Variants in ANKRD28 observed in about 807,000 individuals in gnomAD.
The protein encoded by ANKRD28 is serine/threonine-protein phosphatase 6 regulatory ankyrin repeat subunit A.
ANKRD28 carries 44 observed loss-of-function variants against 126.5 expected under a neutral mutation model. That is an observed-to-expected ratio of 0.35 (90% CI 0.27 to 0.45). The LOEUF (loss-of-function observed/expected upper bound fraction) is 0.45, where lower values mean the gene tolerates loss of function less well. Ranked by LOEUF, ANKRD28 falls within the 20% of genes least tolerant of loss-of-function variation. ANKRD28 has a pLI of 1.00. For missense variants in ANKRD28, 1,110 were observed against 1,316.6 expected, an observed-to-expected ratio of 0.84 and a Z score of 2.43; for synonymous variants, 442 against 468.5, an observed-to-expected ratio of 0.94 and a Z score of 0.73.
chr3:15,687,020 T>C (rs1352161227), intron 18 of ANKRD28, among the ~76,000 whole-genome samples: 1 of 151,684 alleles, frequency 6.6e-6, no homozygotes, highest in Non-Finnish European at 1.5e-5. Context: ...CTTGGCTCAC[T>C]GCAACTTCCG....
chr3:15,849,265 A>G (rs576113014), intron 1 of ANKRD28, among the ~76,000 whole-genome samples: 1 of 152,336 alleles, frequency 6.6e-6, no homozygotes, highest in African/African-American at 2.4e-5. Context: ...TATCGAAATT[A>G]CAACTGTCTT....
At chr3:15,819,324 A>G (rs748497027) in intron 1 of ANKRD28, among the ~76,000 whole-genome samples, 33 of 152,186 alleles carry the variant, frequency 2.2e-4, no homozygotes, top group Non-Finnish European at 4.6e-4. Flanking sequence ...GTAAGAATAA[A>G]CATATAGATC....
chr3:15,850,190 T>TAAAAA lies in ANKRD28; in HGVS notation c.27+9182_27+9186dup, dbSNP rs1238069051. Among the ~76,000 whole-genome samples the TAAAAA allele has an allele frequency of 3.0e-3, 97 of 31,852 alleles. 3 individuals carry two copies. The highest frequency in any genetic ancestry group is 0.011 in the South Asian group (8 of 728). The allele number at this position is 31,852 out of a possible 152,430, so 20.9% of individuals were successfully genotyped here. A position where few individuals can be genotyped will look rare whatever the true frequency, so the allele number is the denominator to read the frequency against. On this transcript the variant is annotated intron_variant, in intron 1 of 27. Transcript: ENST00000399451. The stretch of plus-strand genomic sequence containing the variant: ...GGGACAACTGGGTATCTACATGCAA[T>TAAAAA]AAAAAAAAAAAAAAATATATATATA...
chr3:15,693,036 G>A (rs1282955360), intron 17 of ANKRD28, among the ~76,000 whole-genome samples: 1 of 152,124 alleles, frequency 6.6e-6, no homozygotes, highest in Non-Finnish European at 1.5e-5. Context: ...ACTTAAATGA[G>A]GTGTCTAGAT....
chr3:15,691,975 T>C (rs984525349), intron 17 of ANKRD28, among the ~76,000 whole-genome samples: 5 of 151,270 alleles, frequency 3.3e-5, no homozygotes, highest in East Asian at 3.9e-4. Context: ...CAAAAATAAA[T>C]AAACAAACAA....
intron 17 of ANKRD28, among the ~76,000 whole-genome samples, chr3:15,692,842 C>T (rs954337972): frequency 1.3e-5 from 2 of 152,024 alleles, no homozygotes; most frequent in Non-Finnish European, 2.9e-5. Flanking sequence ...TTCATAATAG[C>T]CAAGAGAAGA....
intron 1 of ANKRD28, among the ~76,000 whole-genome samples, chr3:15,842,007 T>C (rs1175672964): frequency 6.6e-6 from 1 of 150,646 alleles, no homozygotes; most frequent in Non-Finnish European, 1.5e-5. Flanking sequence ...GCATAATTTA[T>C]ATGTATAATG....
At chr3:15,674,913 A>G (rs956711823) in intron 27 of ANKRD28, among the ~76,000 whole-genome samples, 4 of 152,116 alleles carry the variant, frequency 2.6e-5, no homozygotes, top group Admixed American at 2.6e-4. Context: ...TTTTGATGGG[A>G]ACAGTTTTGC....
intron 14 of ANKRD28, among the ~76,000 whole-genome samples, chr3:15,701,054 CCTT>C (rs1268383576): frequency 6.6e-6 from 1 of 152,100 alleles, no homozygotes; most frequent in African/African-American, 2.4e-5. Context: ...ATCAAATACT[CCTT>C]ATTAAAAGTT....
chr3:15,851,645 C>T (rs750640565), intron 1 of ANKRD28, among the ~76,000 whole-genome samples: 2 of 152,008 alleles, frequency 1.3e-5, no homozygotes, highest in African/African-American at 2.4e-5. Flanking sequence ...CAGACAATAA[C>T]GAGTAGTATT....
intron 18 of ANKRD28, among the ~76,000 whole-genome samples, chr3:15,687,946 A>G (rs1378648970): frequency 6.6e-6 from 1 of 152,162 alleles, no homozygotes; most frequent in African/African-American, 2.4e-5. Context: ...AGGAAAAAAA[A>G]CCCTCAGTGT....
intron 4 of ANKRD28, among the ~76,000 whole-genome samples, chr3:15,746,848 T>C (rs925121728): frequency 3.3e-5 from 5 of 152,206 alleles, no homozygotes; most frequent in African/African-American, 1.2e-4. Context: ...TGCTGGCAAT[T>C]TTTAAAATTA....
intron 1 of ANKRD28, among the ~76,000 whole-genome samples, chr3:15,811,955 C>T (rs746955771): frequency 5.9e-5 from 9 of 151,692 alleles, no homozygotes; most frequent in Non-Finnish European, 1.3e-4. Flanking sequence ...GAGTTCAAGA[C>T]CAGTCTGGCC....
exon 1 of ANKRD28, chr3:15,859,378 T>A (rs1253072564): frequency 6.5e-7 from 1 of 1,528,682 alleles, no homozygotes. Flanking sequence ...CTCACCTACC[T>A]GGTCACGGAG....
chr3:15,760,782 A>G lies in ANKRD28; in HGVS notation c.280+5452T>C, dbSNP rs530578215. ...AGAAATAACAAAAAGTAGGATAAAC[A>G]TGACTTAAAATGGTCAAGAATTTGA... On this transcript the variant is annotated intron_variant, in intron 3 of 27. Transcript: ENST00000683139. 2.6e-5 allele frequency among the ~76,000 whole-genome samples: 4 copies of G among 152,348 alleles called. No individual in the cohort carries two copies. The East Asian group carries it at 7.7e-4, about 29-fold the overall frequency.
At position 15,838,696 on chromosome 3, in the gene ANKRD28, C is replaced by T. The variant is rs1361674077; in HGVS notation, c.27+20681G>A. 3.3e-5 allele frequency among the ~76,000 whole-genome samples: 5 copies of T among 151,372 alleles called. No individual in the cohort carries two copies. The East Asian group carries it at 5.8e-4, about 18-fold the overall frequency. On this transcript the variant is annotated intron_variant, in intron 1 of 27. Transcript: ENST00000399451. The surrounding 1 kb of genome is among the most constrained non-coding windows in gnomAD (Gnocchi z 4.0). ...CCAGGAGGTAGAGGTTGCAGTGAGC[C>T]GGGACCACGCCACTGCACTCCAGCC... is the stretch of plus-strand genomic sequence containing the variant.
chr3:15,694,825 G>C lies in ANKRD28; in HGVS notation c.1687-12C>G, dbSNP rs779740666. The C allele has an allele frequency of 8.1e-6, 13 of 1,612,072 alleles. No homozygotes were observed. The highest frequency in any genetic ancestry group is 1.1e-5 in the South Asian group (1 of 90,998). On this transcript the variant is annotated splice_polypyrimidine_tract_variant and intron_variant, in intron 16 of 27. Coordinates refer to ENST00000683139, the MANE Select transcript of ANKRD28 (RefSeq NM_001349278.2). ...GAGGTTTCCATTAACTGAAAAAGAA[G>C]AGGCATTTTAAATGTCAGAAAGACA... is the stretch of plus-strand genomic sequence containing the variant.
intron 4 of ANKRD28, among the ~76,000 whole-genome samples, chr3:15,743,432 ATC>A (rs1007140963): frequency 3.9e-5 from 6 of 152,164 alleles, no homozygotes; most frequent in Admixed American, 1.3e-4. Flanking sequence ...ACCACACAAT[ATC>A]TCATGTGATA....
At chr3:15,776,263 T>C (rs1230683826) in intron 2 of ANKRD28, among the ~76,000 whole-genome samples, 2 of 152,220 alleles carry the variant, frequency 1.3e-5, no homozygotes, top group African/African-American at 4.8e-5. Context: ...AAGCTGAATA[T>C]ATGTATAGCC....
Sources: allele counts gnomAD v4.1 joint callset (sites outside exome capture counted in the v4.1 genomes callset), GRCh38; gene constraint gnomAD v4.1.1; non-coding constraint Gnocchi (gnomAD v3.1); transcripts MANE v1.5; gene names NCBI Gene and HGNC (gene_info 2026-07-23, HGNC 2026-07-21).